CFAP74: variants seen among roughly 807,000 people sequenced by gnomAD.
CFAP74 encodes the protein cilia and flagella associated protein 74.
CFAP74 carries 124 observed loss-of-function variants against 188.9 expected under a neutral mutation model. That is an observed-to-expected ratio of 0.66 (90% CI 0.57 to 0.76). The LOEUF (loss-of-function observed/expected upper bound fraction) is 0.76, where lower values mean the gene tolerates loss of function less well. Ranked by LOEUF, CFAP74 falls within the 30% of genes least tolerant of loss-of-function variation. CFAP74 has a pLI of 0.00. For missense variants in CFAP74, 2,198 were observed against 2,165.2 expected (o/e 1.02, Z -0.30); for synonymous variants, 956 against 916.7 (o/e 1.04, Z -0.77).
chr1:1,971,243 GCA>G lies in CFAP74; in HGVS notation c.889-429_889-428del, dbSNP rs562103444. ...TACGCGTGCACGCCTGCACACACAT[GCA>G]CACACTCACGCATGCACACACATGC... On this transcript the variant is annotated intron_variant, in intron 9 of 38. Transcript: ENST00000682832. Among the ~76,000 whole-genome samples the G allele has an allele frequency of 5.4e-3, 764 of 142,334 alleles. 5 individuals are homozygous for G. The highest frequency in any genetic ancestry group is 0.016 in the African/African-American group (608 of 37,420). The allele number at this position is 142,334 out of a possible 152,430, so 93.4% of individuals were successfully genotyped here.
chr1:1,960,671 T>C (rs1222841334), intron 14 of CFAP74, among the ~76,000 whole-genome samples: 2 of 152,182 alleles, frequency 1.3e-5, no homozygotes, highest in Non-Finnish European at 2.9e-5. Context: ...AAGCTAAAAT[T>C]TTAATGTAAA....
chr1:1,923,067 A>G lies in CFAP74; in HGVS notation c.4601T>C (p.Phe1534Ser). ...PILVTLDYIQ[F>S]DTDTPAPPAT... The stretch of plus-strand genomic sequence containing the variant: ...AGGTGGGGCTGGCGTGTCTGTGTCA[A>G]ACTGGATGTAGTCCAGGGTCACCAG... The change falls in exon 37 of 39, where the codon TTT (phenylalanine) becomes TCT (serine). Residue 1534 changes from phenylalanine (F) to serine (S), a missense_variant. Transcript: ENST00000682832. The surrounding 1 kb of genome is among the most constrained non-coding windows in gnomAD (Gnocchi z 6.3). The G allele has an allele frequency of 6.2e-7, 1 of 1,609,652 alleles. No individual in the cohort carries two copies. Among genetic ancestry groups the G allele is most frequent in the Non-Finnish European group, 8.5e-7 (1 of 1,179,114 alleles).
chr1:1,926,316 G>T lies in CFAP74; in HGVS notation c.3860C>A (p.Pro1287His). Residue 1287 changes from proline to histidine, a missense_variant, in exon 32 of 39, where the codon CCC becomes CAC. Transcript: ENST00000682832. ...GCTGGAGTGGTTCAGCAGGACAAAG[G>T]GGCCGTTGGGGTTCAGCAGGGAGAA... Reference protein sequence around the residue: ...LDFSLLNPNGPFVLLNHSSLL... With the variant: ...LDFSLLNPNGHFVLLNHSSLL... 1 of 1,547,660 alleles carries T rather than the reference G, an allele frequency of 6.5e-7. No individual in the cohort carries two copies. The highest frequency in any genetic ancestry group is 1.2e-5 in the South Asian group (1 of 83,686).
In CFAP74 at chr1:1,971,980, C is replaced by A; in HGVS notation, c.888G>T (p.Arg296=). The A allele has an allele frequency of 1.2e-6, 2 of 1,608,116 alleles. No individual in the cohort carries two copies. Among genetic ancestry groups the A allele is most frequent in the Non-Finnish European group, 1.7e-6 (2 of 1,179,320 alleles). The change falls in exon 9 of 39, where the codon CGG becomes CGT. Residue 296 remains arginine, a splice_region_variant and synonymous_variant. Transcript: ENST00000682832. ...VALKGSISAN[R]DTLRKFQAWD... is the part of the protein sequence containing the mutation. ...GCTGGGTGGGGCTGCGGGGGCCTAC[C>A]CGGTTCGCGGAGATGCTGCCCTTCA...
At chr1:1,988,822 A>ACCCCCCCCCC (rs1269513983) in intron 3 of CFAP74, 67 bp downstream of exon 3, 1 of 158,406 alleles carries the variant, frequency 6.3e-6, no homozygotes, top group Non-Finnish European at 1.1e-5. Context: ...CCCTTCACCC[A>ACCCCCCCCCC]CCCCCCCACC....
At chr1:1,940,289 A>C in intron 23 of CFAP74, 27 bp downstream of exon 23, 1 of 1,510,796 alleles carries the variant, frequency 6.6e-7, no homozygotes, top group Non-Finnish European at 8.9e-7. Flanking sequence ...AGCGCCCAGC[A>C]TCCCTGGGAA....
chr1:1,951,420 C>G (rs980132821), intron 18 of CFAP74, among the ~76,000 whole-genome samples: 1 of 152,188 alleles, frequency 6.6e-6, no homozygotes, highest in Non-Finnish European at 1.5e-5. Flanking sequence ...ACTGTTCTTT[C>G]TCCAAGCAAT....
intron 18 of CFAP74, 122 bp downstream of exon 18, chr1:1,955,569 A>G (rs1654549803): frequency 6.2e-7 from 1 of 1,612,020 alleles, no homozygotes; most frequent in Non-Finnish European, 8.5e-7. Context: ...GTCACTTAAC[A>G]TCGAAGGCCT....
At chr1:1,957,421 G>C (rs1216952485) in intron 16 of CFAP74, among the ~76,000 whole-genome samples, 2 of 152,214 alleles carry the variant, frequency 1.3e-5, no homozygotes, top group African/African-American at 4.8e-5. Context: ...GGGCGGTCGG[G>C]GTCCAGCCAA....
chr1:2,000,156 T>G (rs1658138521), intron 1 of CFAP74, among the ~76,000 whole-genome samples: 1 of 151,898 alleles, frequency 6.6e-6, no homozygotes, highest in Non-Finnish European at 1.5e-5. Flanking sequence ...AGAGCGAGAC[T>G]CCATCTCAAA....
intron 6 of CFAP74, among the ~76,000 whole-genome samples, chr1:1,978,070 A>G (rs184758179): frequency 5.3e-5 from 8 of 152,038 alleles, no homozygotes; most frequent in Admixed American, 5.2e-4. Context: ...CTGATCTCAA[A>G]CTCCGGGGCT....
chr1:1,944,080 C>G (rs997740232), intron 21 of CFAP74, among the ~76,000 whole-genome samples: 1 of 152,226 alleles, frequency 6.6e-6, no homozygotes, highest in African/African-American at 2.4e-5. Flanking sequence ...ACCATGTCTG[C>G]TAAGCCCCCT....
chr1:1,971,547 G>C (rs994119868), intron 9 of CFAP74, among the ~76,000 whole-genome samples: 2 of 152,274 alleles, frequency 1.3e-5, no homozygotes, highest in Non-Finnish European at 2.9e-5. Flanking sequence ...CATCCCAAGC[G>C]TGGGGCTGGG....
chr1:1,954,658 C>A (rs1035355110), intron 18 of CFAP74: 2 of 248,036 alleles, frequency 8.1e-6, no homozygotes, highest in Non-Finnish European at 6.7e-6. Flanking sequence ...GTGGTGCGTG[C>A]CTGTAGTTCC....
chr1:1,940,363 C>G lies in CFAP74; in HGVS notation c.2656G>C (p.Glu886Gln). 1 of 1,535,594 alleles carries G rather than the reference C, an allele frequency of 6.5e-7. No individual in the cohort carries two copies. The highest frequency in any genetic ancestry group is 8.7e-7 in the Non-Finnish European group (1 of 1,146,622). ...PEDAGRYFDK[E>Q]TRVLEAPMTI... The stretch of plus-strand genomic sequence containing the variant: ...ATCGGGGCCTCCAGGACTCGGGTCT[C>G]CTTGTCAAAATACCTCCCTGCGTCC... The change falls in exon 23 of 39, where the codon GAG becomes CAG. Residue 886 changes from glutamate (E) to glutamine (Q), a missense_variant. Transcript: ENST00000682832.
intron 16 of CFAP74, among the ~76,000 whole-genome samples, chr1:1,956,995 G>A (rs1228590411): frequency 2.0e-5 from 3 of 152,248 alleles, no homozygotes; most frequent in Non-Finnish European, 4.4e-5. Context: ...GAACATCAAG[G>A]CAGGAGCCCC....
intron 14 of CFAP74, 59 bp downstream of exon 14, chr1:1,963,690 C>T (rs989211629): frequency 1.9e-5 from 20 of 1,076,736 alleles, no homozygotes; most frequent in Admixed American, 1.7e-4. Context: ...CATGAAGGGA[C>T]CTATGAACCT....
At position 1,924,394 on chromosome 1, in the gene CFAP74, C is replaced by T; in HGVS notation, c.4231G>A (p.Val1411Ile). Reference protein sequence around the residue: ...LSSPSQRTEVVGTQNLNGQSV... With the variant: ...LSSPSQRTEVIGTQNLNGQSV... ...CCACCCCCCACCCCCCGCTCACCGA[C>T]CACCTCCGTCCTCTGGGAGGGCGAG... The change falls in exon 34 of 39, where the codon GTC becomes ATC. Residue 1411 changes from valine (V) to isoleucine (I), a missense_variant. Transcript: ENST00000682832. The T allele has an allele frequency of 1.3e-6, 1 of 783,034 alleles. No individual in the cohort carries two copies. The highest frequency in any genetic ancestry group is 1.8e-6 in the Non-Finnish European group (1 of 568,024). 48.5% of individuals were successfully genotyped at this position (783,034 alleles called of 1,614,324 possible).
chr1:1,940,785 T>G (rs1349420156), intron 22 of CFAP74, among the ~76,000 whole-genome samples: 3 of 152,246 alleles, frequency 2.0e-5, no homozygotes, highest in African/African-American at 7.2e-5. Context: ...CAGAGCTTGA[T>G]CTCTGATTAC....
Sources: allele counts gnomAD v4.1 joint callset (sites outside exome capture counted in the v4.1 genomes callset), GRCh38; gene constraint gnomAD v4.1.1; non-coding constraint Gnocchi (gnomAD v3.1); transcripts MANE v1.5; gene names NCBI Gene and HGNC (gene_info 2026-07-23, HGNC 2026-07-21).